Variants in SEPTIN4 observed in about 807,000 individuals in gnomAD.
SEPTIN4 encodes the protein septin-4.
Under a neutral mutation model 107.1 loss-of-function variants are expected in SEPTIN4, and 52 were observed. That is an observed-to-expected ratio of 0.49 (90% CI 0.39 to 0.61). The LOEUF (loss-of-function observed/expected upper bound fraction) is 0.61, where lower values mean the gene tolerates loss of function less well. Among genes scored for constraint, SEPTIN4 ranks in the 20% least tolerant of loss-of-function variants. SEPTIN4 has a pLI of 0.00. For synonymous variants in SEPTIN4, 417 were observed against 467.0 expected, an observed-to-expected ratio of 0.89 and a Z score of 1.38; for missense variants, 1,048 against 1,243.5, an observed-to-expected ratio of 0.84 and a Z score of 2.36.
At chr17:58,522,654 C>CAAA (rs1233539293) in intron 7 of SEPTIN4, among the ~76,000 whole-genome samples, 9 of 52,026 alleles carry the variant, frequency 1.7e-4, no homozygotes, top group South Asian at 5.9e-4. Context: ...CAGACTGTCA[C>CAAA]AAAAAAAAAA....
rs1156253122 is a variant in SEPTIN4, at chr17:58,538,472, A to G, written c.1614+2194T>C. Among the ~76,000 whole-genome samples, 1 of 152,132 alleles carries G rather than the reference A, an allele frequency of 6.6e-6. No homozygotes were observed. Among genetic ancestry groups the G allele is most frequent in the East Asian group, 1.9e-4 (1 of 5,188 alleles). Reference sequence around the variant, plus strand: ...AGGTCAGATGCCTTGAGGACACAGGATCTTGGGGCTAACACACCCTGTCCA... The same window carrying G: ...AGGTCAGATGCCTTGAGGACACAGGGTCTTGGGGCTAACACACCCTGTCCA... On this transcript the variant is annotated intron_variant, in intron 3 of 13. Transcript: ENST00000672673. The surrounding 1 kb of genome is among the most constrained non-coding windows in gnomAD (Gnocchi z 4.7).
chr17:58,540,706 AG>A (rs1268609072), intron 2 of SEPTIN4, 33 bp from the exon 3 acceptor site: 2 of 1,334,518 alleles, frequency 1.5e-6, no homozygotes, highest in Non-Finnish European at 1.9e-6. Flanking sequence ...AGGCATTCCC[AG>A]GGGGCAGCAA....
In SEPTIN4 at chr17:58,525,798, CAGA is replaced by C; in HGVS notation, c.2006-20_2006-18del. The C allele has an allele frequency of 6.2e-7, 1 of 1,601,638 alleles. No individual in the cohort carries two copies. The highest frequency in any genetic ancestry group is 8.6e-7 in the Non-Finnish European group (1 of 1,168,728). On this transcript the variant is annotated intron_variant, in intron 5 of 13. Coordinates refer to ENST00000672673, the MANE Select transcript of SEPTIN4 (RefSeq NM_001368771.2). The stretch of plus-strand genomic sequence containing the variant: ...CAGACTCTCCTGAGAGGAGAGAGGA[CAGA>C]GGCACCAAATCAGAAGGTAAGATCT...
chr17:58,539,228 A>T (rs867145752), intron 3 of SEPTIN4: 5 of 1,478,416 alleles, frequency 3.4e-6, no homozygotes, highest in Non-Finnish European at 4.5e-6. Flanking sequence ...TCGAGACCGG[A>T]TAAGAGCTAT....
In SEPTIN4 at chr17:58,544,041, G is replaced by A. The variant is rs1453188375; in HGVS notation, c.146C>T (p.Ser49Phe). ...HRSAAVSLNPSHRRSEAAHPT... is the reference protein window; with the variant it reads ...HRSAAVSLNPFHRRSEAAHPT... ...ATGTGCAGCTTCTGATCTTCGGTGG[G>A]AAGGGTTCAGGGAGACTGCAGCACT... The change falls in exon 1 of 14, where the codon TCC becomes TTC. Residue 49 changes from serine (S) to phenylalanine (F), a missense_variant. Around this residue, in one of 2 missense-constraint regions of SEPTIN4, gnomAD observed 787 missense variants for 871.8 expected, o/e 0.90. Transcript: ENST00000672673. 1 of 1,614,016 alleles carries A rather than the reference G, an allele frequency of 6.2e-7. No homozygotes were observed. Among genetic ancestry groups the A allele is most frequent in the African/African-American group, 1.3e-5 (1 of 74,890 alleles).
chr17:58,527,175 A>G (rs1167341058), intron 3 of SEPTIN4, 197 bp from the exon 4 acceptor site: 1 of 958,120 alleles, frequency 1.0e-6, no homozygotes, highest in Admixed American at 1.7e-5. Context: ...AGCCTCCCCA[A>G]TCCAATATGC....
intron 7 of SEPTIN4, 183 bp downstream of exon 7, chr17:58,524,895 A>G (rs2042677901): frequency 1.4e-6 from 1 of 717,608 alleles, no homozygotes; most frequent in Non-Finnish European, 2.3e-6. Context: ...AAAATCATCT[A>G]TTCCAATCCT....
At chr17:58,540,759 T>G in intron 2 of SEPTIN4, 86 bp from the exon 3 acceptor site, 1 of 1,275,794 alleles carries the variant, frequency 7.8e-7, no homozygotes, top group Non-Finnish European at 9.9e-7. Flanking sequence ...AAAAGAGAAA[T>G]TTACTAAAGA....
In SEPTIN4 at chr17:58,520,563, C is replaced by T. The variant is rs933999072; in HGVS notation, c.2932-78G>A. On this transcript the variant is annotated intron_variant, in intron 13 of 13. Transcript: ENST00000672673. ...TGGGAAAGTGCCCCAAATTTCTAAT[C>T]CCTTAAGCCAGAACCTTGGTAGCCG... 3.8e-6 allele frequency: 6 copies of T among 1,578,446 alleles called. No homozygotes were observed. The African/African-American group carries it at 5.4e-5, about 14-fold the overall frequency.
chr17:58,520,940 A>C, intron 12 of SEPTIN4, 58 bp downstream of exon 12: 1 of 1,612,036 alleles, frequency 6.2e-7, no homozygotes. Context: ...GCTTGGTCTC[A>C]CCCAAGGCTA....
In SEPTIN4 at chr17:58,521,495, T is replaced by G; in HGVS notation, c.2571+50A>C. 6.2e-7 allele frequency: 1 copy of G among 1,602,722 alleles called. No individual in the cohort carries two copies. Among genetic ancestry groups the G allele is most frequent in the Non-Finnish European group, 8.5e-7 (1 of 1,169,946 alleles). On this transcript the variant is annotated intron_variant, in intron 10 of 13. Transcript: ENST00000672673. The surrounding 1 kb of genome is among the most constrained non-coding windows in gnomAD (Gnocchi z 6.4). Reference sequence around the variant, plus strand: ...TGAATATAGAATTCTACTCCCTTTTTCTACCCGGAAGAAATAAGATAGGAA... The same window carrying G: ...TGAATATAGAATTCTACTCCCTTTTGCTACCCGGAAGAAATAAGATAGGAA...
At position 58,521,526 on chromosome 17, in the gene SEPTIN4, T is replaced by A. The variant is rs780514607; in HGVS notation, c.2571+19A>T. The A allele has an allele frequency of 1.2e-6, 2 of 1,608,232 alleles. No individual in the cohort carries two copies. The highest frequency in any genetic ancestry group is 1.7e-6 in the Non-Finnish European group (2 of 1,174,606). ...CGGAAGAAATAAGATAGGAATGGGA[T>A]GCCCTAGAGTGGCCCCACCTTTAGG... On this transcript the variant is annotated intron_variant, in intron 10 of 13. Transcript: ENST00000672673. The surrounding 1 kb of genome is among the most constrained non-coding windows in gnomAD (Gnocchi z 6.4).
Position 58,521,533 on chromosome 17 carries a change from G to A in SEPTIN4, c.2571+12C>T. 1 of 1,611,804 alleles carries A rather than the reference G, an allele frequency of 6.2e-7. No individual in the cohort carries two copies. Among genetic ancestry groups the A allele is most frequent in the Non-Finnish European group, 8.5e-7 (1 of 1,177,944 alleles). ...AATAAGATAGGAATGGGATGCCCTAGAGTGGCCCCACCTTTAGGGCTTGGT... is the reference window on the plus strand; with the variant it reads ...AATAAGATAGGAATGGGATGCCCTAAAGTGGCCCCACCTTTAGGGCTTGGT... On this transcript the variant is annotated intron_variant, in intron 10 of 13. Coordinates refer to ENST00000672673, the MANE Select transcript of SEPTIN4 (RefSeq NM_001368771.2). This position sits in a 1 kb window ranked among gnomAD's most constrained non-coding sequence, Gnocchi z 6.4.
Position 58,525,124 on chromosome 17 carries a change from T to G in SEPTIN4, c.2170A>C (p.Ile724Leu). ...EEKGVRLRLT[I>L]VDTPGFGDAV... ...TCCCCAAAACCTGGTGTGTCCACAATGGTGAGCCGCAGCCTCACACCCTTC... is the reference window on the plus strand; with the variant it reads ...TCCCCAAAACCTGGTGTGTCCACAAGGGTGAGCCGCAGCCTCACACCCTTC... Residue 724 changes from isoleucine to leucine, a missense_variant, in exon 7 of 14, where the codon ATT becomes CTT. Physicochemically the swap from Ile to Leu is conservative, Grantham distance 5. Around this residue, in one of 2 missense-constraint regions of SEPTIN4, gnomAD observed 261 missense variants for 371.7 expected, o/e 0.70. Coordinates refer to ENST00000672673, the MANE Select transcript of SEPTIN4 (RefSeq NM_001368771.2). The G allele has an allele frequency of 1.2e-6, 2 of 1,614,232 alleles. No homozygotes were observed. The highest frequency in any genetic ancestry group is 1.7e-6 in the Non-Finnish European group (2 of 1,180,038).
At chr17:58,526,612 A>ACT (rs2042926604) in intron 4 of SEPTIN4, 70 bp downstream of exon 4, 2 of 1,501,656 alleles carry the variant, frequency 1.3e-6, no homozygotes, top group Admixed American at 2.5e-5. Context: ...ACACACACAC[A>ACT]CTCTGCTCCC....
Position 58,544,073 on chromosome 17 carries a change from G to T in SEPTIN4, c.114C>A (p.Ser38Arg). 1 of 1,614,186 alleles carries T rather than the reference G, an allele frequency of 6.2e-7. No individual in the cohort carries two copies. Among genetic ancestry groups the T allele is most frequent in the Non-Finnish European group, 8.5e-7 (1 of 1,180,042 alleles). ...TCAGGGAGACTGCAGCACTTCGATG[G>T]CTTGAGGCAAGAACGTACCCATGTC... is the stretch of plus-strand genomic sequence containing the variant. ...QQGHGYVLAS[S>R]HRSAAVSLNP... The change falls in exon 1 of 14, where the codon AGC becomes AGA. Residue 38 changes from serine to arginine, a missense_variant. By Grantham distance (110) the Ser-to-Arg change is moderately radical. Transcript: ENST00000672673.
rs1418458485 is a variant in SEPTIN4 at position 58,526,710 on chromosome 17, C to T, written c.1883G>A (p.Gly628Asp). 5.6e-6 allele frequency: 9 copies of T among 1,598,866 alleles called. No individual in the cohort carries two copies. In the South Asian group the frequency reaches 9.0e-5, roughly 16 times the overall value. ...AGAGGAATCATAGGGATCAAGCTTG[C>T]CCCATGGGCTGCGGGGCCTGGCAGA... ...SPSARPRSPWGKLDPYDSSED... is the reference protein window; with the variant it reads ...SPSARPRSPWDKLDPYDSSED... Residue 628 changes from glycine to aspartate, a missense_variant, in exon 4 of 14, where the codon GGC becomes GAC. Physicochemically the swap from Gly to Asp is moderately conservative, Grantham distance 94. Around this residue, in one of 2 missense-constraint regions of SEPTIN4, gnomAD observed 787 missense variants for 871.8 expected, o/e 0.90. Transcript: ENST00000672673.
Position 58,543,605 on chromosome 17 carries a change from C to CA in SEPTIN4, c.581dup (p.Leu194PhefsTer7). The CA allele has an allele frequency of 4.3e-6, 7 of 1,614,192 alleles. No individual in the cohort carries two copies. Among genetic ancestry groups the CA allele is most frequent in the Non-Finnish European group, 5.9e-6 (7 of 1,180,040 alleles). ...GTACTGCTTCATCCTTTGGGTAAGACAAAATCCTACGGGGAACTCTGACTC... is the reference window on the plus strand; with the variant it reads ...GTACTGCTTCATCCTTTGGGTAAGACAAAAATCCTACGGGGAACTCTGACTC... On this transcript the variant is annotated frameshift_variant, in exon 1 of 14. Coordinates refer to ENST00000672673, the MANE Select transcript of SEPTIN4 (RefSeq NM_001368771.2). LOFTEE classifies it high-confidence loss of function.
At chr17:58,531,942 G>T in intron 3 of SEPTIN4, 1 of 1,144,392 alleles carries the variant, frequency 8.7e-7, no homozygotes, top group Non-Finnish European at 1.1e-6. Context: ...GCGCCCGCCC[G>T]CCTGCCTGCC....
Sources: allele counts gnomAD v4.1 joint callset (sites outside exome capture counted in the v4.1 genomes callset), GRCh38; gene constraint gnomAD v4.1.1; regional missense constraint gnomAD v4.1.1; non-coding constraint Gnocchi (gnomAD v3.1); transcripts MANE v1.5; gene names NCBI Gene and HGNC (gene_info 2026-07-23, HGNC 2026-07-21).